The following HELQ variants were observed in gnomAD, a reference collection of about 807,000 sequenced individuals.
HELQ encodes the protein helicase, POLQ like, also known as helicase POLQ-like.
HELQ carries 77 observed loss-of-function variants against 111.6 expected under a neutral mutation model. The observed-to-expected ratio is 0.69, with a 90% CI of 0.57 to 0.83. The LOEUF (loss-of-function observed/expected upper bound fraction) is 0.83. HELQ is among the 40% of genes least tolerant of loss of function. HELQ has a pLI of 0.00. For missense variants in HELQ, 1,200 were observed against 1,288.5 expected (o/e 0.93, Z 1.05); for synonymous variants, 438 against 454.7 (o/e 0.96, Z 0.47).
rs200219888 is a variant in HELQ at position 83,429,556 on chromosome 4, T to C, written c.2486A>G (p.His829Arg). 12 of 1,610,402 alleles carry C rather than the reference T, an allele frequency of 7.5e-6. No individual in the cohort carries two copies. The highest frequency in any genetic ancestry group is 2.2e-5 in the East Asian group (1 of 44,800). ...KSEEEVQYNF[H>R]ITKLGRASFK... ...TGAAGCACGTCCCAACTTTGTAATA[T>C]GAAAATTATATTGGACCTCTTCTTC... The change falls in exon 12 of 18, where the codon CAT becomes CGT. Residue 829 changes from histidine (H) to arginine (R), a missense_variant. His to Arg is a conservative substitution (Grantham distance 29, BLOSUM62 0). Coordinates refer to ENST00000295488, the MANE Select transcript of HELQ (RefSeq NM_133636.5).
At chr4:83,445,904 G>A in intron 5 of HELQ, 110 bp downstream of exon 5, 1 of 683,686 alleles carries the variant, frequency 1.5e-6, no homozygotes, top group Non-Finnish European at 2.5e-6. Flanking sequence ...AAGGCAAAAA[G>A]CTTAAGTATC....
chr4:83,420,721 G>T (rs990902498), intron 15 of HELQ, among the ~76,000 whole-genome samples: 6 of 152,034 alleles, frequency 3.9e-5, no homozygotes, highest in African/African-American at 1.4e-4. Context: ...GGAGGCGGGG[G>T]TTGCAGTTAG....
At chr4:83,451,984 GA>G (rs1395347087) in intron 2 of HELQ, among the ~76,000 whole-genome samples, 2 of 152,186 alleles carry the variant, frequency 1.3e-5, no homozygotes, top group Non-Finnish European at 2.9e-5. Context: ...AGGAGTTCCA[GA>G]AAACTTACGA....
Position 83,421,632 on chromosome 4 carries a change from A to C in HELQ, c.2880T>G (p.Pro960=), listed in dbSNP as rs1739689645. The change falls in exon 15 of 18, where the codon CCT becomes CCG. Residue 960 remains proline (P), a synonymous_variant. Transcript: ENST00000295488. ...IWTVSEKFNM[P]RGYIQNLLTG... ...TGAGAAGATTTTGTATATATCCTCG[A>C]GGCATATTAAATTTTTCAGATACAG... 1 of 1,613,508 alleles carries C rather than the reference A, an allele frequency of 6.2e-7. No homozygotes were observed. The highest frequency in any genetic ancestry group is 1.3e-5 in the African/African-American group (1 of 75,036).
At chr4:83,448,565 G>A (rs1034508993) in intron 3 of HELQ, among the ~76,000 whole-genome samples, 17 of 151,746 alleles carry the variant, frequency 1.1e-4, no homozygotes, top group Admixed American at 2.6e-4. Flanking sequence ...AGCTACTCAG[G>A]AGGCTGAGGC....
chr4:83,444,450 G>A (rs1040164280), intron 5 of HELQ, among the ~76,000 whole-genome samples: 1 of 151,498 alleles, frequency 6.6e-6, no homozygotes, highest in Non-Finnish European at 1.5e-5. Flanking sequence ...GCATGATCTC[G>A]GCTCACTGCA....
chr4:83,431,862 A>C, intron 10 of HELQ, 94 bp from the exon 11 acceptor site: 1 of 551,894 alleles, frequency 1.8e-6, no homozygotes, highest in Non-Finnish European at 2.9e-6. Flanking sequence ...AATCTTGTGG[A>C]GCCAGAAGGA....
chr4:83,421,198 G>C (rs1443653427), intron 15 of HELQ, among the ~76,000 whole-genome samples: 1 of 152,170 alleles, frequency 6.6e-6, no homozygotes, highest in Non-Finnish European at 1.5e-5. Context: ...CCAAACACCT[G>C]ACATTTTTAT....
At chr4:83,435,899 A>G (rs1485642875) in intron 9 of HELQ, among the ~76,000 whole-genome samples, 1 of 151,992 alleles carries the variant, frequency 6.6e-6, no homozygotes, top group South Asian at 2.1e-4. Flanking sequence ...TTTTTCTTCA[A>G]TTGTCTGAAA....
chr4:83,444,430 G>A (rs910247618), intron 5 of HELQ, among the ~76,000 whole-genome samples: 1 of 152,056 alleles, frequency 6.6e-6, no homozygotes, highest in Middle Eastern at 3.2e-3. Context: ...GCCCAGGCTG[G>A]AGTGCAGTGG....
chr4:83,452,089 TG>T (rs1721410495), intron 2 of HELQ, among the ~76,000 whole-genome samples: 1 of 152,222 alleles, frequency 6.6e-6, no homozygotes, highest in Non-Finnish European at 1.5e-5. Context: ...GCAAGGACCC[TG>T]GATTTTTGAA....
At chr4:83,411,450 G>A (rs1003841947) in intron 17 of HELQ, among the ~76,000 whole-genome samples, 1 of 150,130 alleles carries the variant, frequency 6.7e-6, no homozygotes, top group African/African-American at 2.4e-5. Context: ...ATTTAAAAAG[G>A]TAATTTAGTT....
At chr4:83,442,750 CCATGT>C (rs1720843619) in intron 6 of HELQ, among the ~76,000 whole-genome samples, 1 of 152,020 alleles carries the variant, frequency 6.6e-6, no homozygotes, top group African/African-American at 2.4e-5. Context: ...AGGGGTCTCG[CCATGT>C]TGCCCAGGCT....
chr4:83,449,858 A>G (rs1721253829), intron 2 of HELQ, among the ~76,000 whole-genome samples: 1 of 142,622 alleles, frequency 7.0e-6, no homozygotes, highest in Admixed American at 7.6e-5. Context: ...AATAAAAAAC[A>G]AATAACTATC....
At chr4:83,446,364 T>G (rs1721047728) in intron 4 of HELQ, among the ~76,000 whole-genome samples, 1 of 152,136 alleles carries the variant, frequency 6.6e-6, no homozygotes, top group Non-Finnish European at 1.5e-5. Flanking sequence ...TGGAGTGCAA[T>G]GGCGTGATCC....
chr4:83,449,350 C>T lies in HELQ; in HGVS notation c.1013-389G>A, dbSNP rs118041752. Among the ~76,000 whole-genome samples the T allele has an allele frequency of 5.9e-3, 902 of 152,336 alleles. 62 individuals carry two copies. In the East Asian group the frequency reaches 0.14, roughly 23 times the overall value. ...TTCTGCAAGGAGATTATATAAGCTT[C>T]CCTTCCTCATTCAGCCAAAAGCCAT... On this transcript the variant is annotated intron_variant, in intron 2 of 17. Transcript: ENST00000295488.
chr4:83,428,614 T>G (rs551524743), intron 12 of HELQ, among the ~76,000 whole-genome samples: 1 of 152,116 alleles, frequency 6.6e-6, no homozygotes, highest in East Asian at 1.9e-4. Context: ...CTTTATTCAC[T>G]GTCATGAAAC....
chr4:83,455,857 T>C (rs1721770881), upstream of HELQ: 2 of 785,716 alleles, frequency 2.5e-6, no homozygotes, highest in Non-Finnish European at 2.1e-6. Flanking sequence ...CATAAACTTC[T>C]ACCCTGTCCA....
chr4:83,415,542 A>T (rs1286978395), intron 17 of HELQ, among the ~76,000 whole-genome samples: 1 of 152,148 alleles, frequency 6.6e-6, no homozygotes, highest in African/African-American at 2.4e-5. Flanking sequence ...AGATGCTGGG[A>T]TGCTGAGGAA....
Sources: allele counts gnomAD v4.1 joint callset (sites outside exome capture counted in the v4.1 genomes callset), GRCh38; gene constraint gnomAD v4.1.1; transcripts MANE v1.5; gene names NCBI Gene and HGNC (gene_info 2026-07-23, HGNC 2026-07-21).